HPSE2: variants seen among roughly 807,000 people sequenced by gnomAD.
HPSE2 encodes the protein inactive heparanase-2.
A neutral mutation model predicts 60.5 loss-of-function variants in HPSE2; 38 were observed. The observed-to-expected ratio is 0.63, with a 90% CI of 0.48 to 0.82. HPSE2 has a LOEUF of 0.82. HPSE2 is among the 40% of genes least tolerant of loss of function. HPSE2 has a pLI of 0.00. For missense variants in HPSE2, 713 were observed against 740.4 expected (o/e 0.96, Z 0.43); for synonymous variants, 295 against 293.2 (o/e 1.01, Z -0.06).
intron 7 of HPSE2, among the ~76,000 whole-genome samples, chr10:98,638,428 G>A (rs1946556981): frequency 6.6e-6 from 1 of 152,154 alleles, no homozygotes; most frequent in Non-Finnish European, 1.5e-5. Context: ...CTGGGTGACA[G>A]AGCGAGACTC....
At chr10:98,993,361 C>T (rs909953013) in intron 3 of HPSE2, among the ~76,000 whole-genome samples, 1 of 152,152 alleles carries the variant, frequency 6.6e-6, no homozygotes, top group African/African-American at 2.4e-5. Context: ...TAAAGTATCA[C>T]AATGATTTGT....
intron 3 of HPSE2, among the ~76,000 whole-genome samples, chr10:98,990,672 C>T (rs1956501908): frequency 6.6e-6 from 1 of 152,142 alleles, no homozygotes; most frequent in Admixed American, 6.5e-5. Context: ...ATGAGTCTTC[C>T]ATCTCTAAAA....
intron 3 of HPSE2, among the ~76,000 whole-genome samples, chr10:99,022,042 TC>T (rs1304747526): frequency 1.4e-5 from 1 of 73,258 alleles, no homozygotes; most frequent in Non-Finnish European, 2.5e-5. Flanking sequence ...CCCTCCCCCC[TC>T]CCCCCACCCC....
At chr10:98,916,413 T>C (rs1229074724) in intron 3 of HPSE2, among the ~76,000 whole-genome samples, 2 of 152,216 alleles carry the variant, frequency 1.3e-5, no homozygotes, top group Non-Finnish European at 2.9e-5. Flanking sequence ...TTTAAAAAAC[T>C]AGTTTATTAC....
chr10:98,486,439 AT>A (rs951107992), intron 10 of HPSE2, among the ~76,000 whole-genome samples: 6 of 150,756 alleles, frequency 4.0e-5, no homozygotes, highest in South Asian at 2.1e-4. Context: ...CATGGGTGAG[AT>A]TTTTTTTTCA....
At chr10:98,739,008 A>T (rs888600158) in intron 4 of HPSE2, among the ~76,000 whole-genome samples, 1 of 152,222 alleles carries the variant, frequency 6.6e-6, no homozygotes, top group Non-Finnish European at 1.5e-5. Flanking sequence ...TTCTTCCATA[A>T]AGACACATGC....
intron 2 of HPSE2, among the ~76,000 whole-genome samples, chr10:99,145,482 A>G (rs1331629036): frequency 6.6e-6 from 1 of 151,930 alleles, no homozygotes; most frequent in Non-Finnish European, 1.5e-5. Flanking sequence ...AAGAAGAAGA[A>G]TGCTTCCCAA....
At chr10:98,683,729 A>G (rs1371815606) in intron 6 of HPSE2, among the ~76,000 whole-genome samples, 4 of 152,074 alleles carry the variant, frequency 2.6e-5, no homozygotes, top group African/African-American at 4.8e-5. Flanking sequence ...TTCAGAAGGA[A>G]TGCACAAAAA....
intron 9 of HPSE2, among the ~76,000 whole-genome samples, chr10:98,537,279 T>A (rs1298922098): frequency 1.3e-5 from 2 of 152,188 alleles, no homozygotes; most frequent in African/African-American, 4.8e-5. Context: ...CATCCAGTTG[T>A]TTATGTCCAG....
intron 3 of HPSE2, among the ~76,000 whole-genome samples, chr10:98,852,113 ATGTGTGTGTGTGTG>A (rs1555017138): frequency 2.6e-4 from 24 of 91,930 alleles, no homozygotes; most frequent in Admixed American, 1.1e-4. Flanking sequence ...GTATATTATG[ATGTGTGTGTGTGTG>A]TGTGTGTGTG....
At chr10:98,596,726 T>A (rs947244720) in intron 9 of HPSE2, among the ~76,000 whole-genome samples, 4 of 152,160 alleles carry the variant, frequency 2.6e-5, no homozygotes, top group Non-Finnish European at 5.9e-5. Flanking sequence ...CTGCTATCCT[T>A]ATTGGAACTC....
chr10:98,993,153 A>G (rs998712862), intron 3 of HPSE2, among the ~76,000 whole-genome samples: 3 of 152,246 alleles, frequency 2.0e-5, no homozygotes, highest in Non-Finnish European at 2.9e-5. Flanking sequence ...AGAGTAAATT[A>G]CAAGGAACAT....
intron 6 of HPSE2, among the ~76,000 whole-genome samples, chr10:98,679,561 T>C (rs1947731944): frequency 6.6e-6 from 1 of 152,188 alleles, no homozygotes; most frequent in Admixed American, 6.5e-5. Context: ...CTGTGTTTTT[T>C]TTAAAATAAG....
intron 9 of HPSE2, among the ~76,000 whole-genome samples, chr10:98,533,700 A>T (rs371264174): frequency 6.6e-5 from 10 of 152,318 alleles, no homozygotes; most frequent in African/African-American, 2.2e-4. Context: ...CTCAGTAAAT[A>T]CTGCTCACCC....
At chr10:99,075,014 T>G (rs2135557245) in intron 3 of HPSE2, among the ~76,000 whole-genome samples, 1 of 152,250 alleles carries the variant, frequency 6.6e-6, no homozygotes, top group South Asian at 2.1e-4. Flanking sequence ...TTAGTTTTGT[T>G]GGTCTCTTCT....
chr10:98,896,126 T>A (rs913442841), intron 3 of HPSE2, among the ~76,000 whole-genome samples: 1 of 151,888 alleles, frequency 6.6e-6, no homozygotes, highest in Admixed American at 6.6e-5. Context: ...ATCTATAGTA[T>A]CTCCTCTAAA....
intron 9 of HPSE2, among the ~76,000 whole-genome samples, chr10:98,591,584 C>T (rs1439629058): frequency 1.3e-5 from 2 of 152,070 alleles, no homozygotes; most frequent in South Asian, 4.1e-4. Context: ...ACTGCTTGAA[C>T]CTGGGAGGCA....
chr10:99,171,831 T>G (rs1002994344), intron 2 of HPSE2, among the ~76,000 whole-genome samples: 2 of 151,910 alleles, frequency 1.3e-5, no homozygotes, highest in African/African-American at 4.8e-5. Context: ...AAAAAAAAAC[T>G]TAACCTCTTT....
chr10:98,676,701 C>T (rs1172488963), intron 6 of HPSE2, among the ~76,000 whole-genome samples: 1 of 152,076 alleles, frequency 6.6e-6, no homozygotes, highest in Admixed American at 6.6e-5. Context: ...TATGAGGGGA[C>T]CCCTAGAGAT....
Sources: gnomAD v4.1 joint callset for allele counts (sites outside exome capture counted in the v4.1 genomes callset) on GRCh38, gnomAD v4.1.1 for gene constraint, MANE v1.5 for transcripts, NCBI Gene and HGNC (gene_info 2026-07-23, HGNC 2026-07-21) for gene names.